The following RANBP2 variants were observed in gnomAD, a reference collection of about 807,000 sequenced individuals.
The protein encoded by RANBP2 is E3 SUMO-protein ligase RanBP2.
In RANBP2, 57 loss-of-function variants were observed where a neutral mutation model predicts 303.6. That is an observed-to-expected ratio of 0.19 (90% CI 0.15 to 0.23). The LOEUF (loss-of-function observed/expected upper bound fraction) is 0.23. Among genes scored for constraint, RANBP2 ranks in the 10% least tolerant of loss-of-function variants. The pLI is 1.00. For synonymous variants in RANBP2, 1,167 were observed against 1,301.5 expected (o/e 0.90, Z 2.23); for missense variants, 3,138 against 3,780.8 (o/e 0.83, Z 4.46).
In RANBP2 at chr2:108,768,036, C is replaced by G; in HGVS notation, c.7497C>G (p.Ser2499Arg). The G allele has an allele frequency of 6.2e-7, 1 of 1,612,006 alleles. No homozygotes were observed. Among genetic ancestry groups the G allele is most frequent in the South Asian group, 1.1e-5 (1 of 90,986 alleles). The change falls in exon 20 of 29, where the codon AGC (serine) becomes AGG (arginine). Residue 2499 changes from serine to arginine, a missense_variant. Around this residue, in one of 20 missense-constraint regions of RANBP2, gnomAD observed 497 missense variants for 465.8 expected, o/e 1.07. Transcript: ENST00000283195. ...ADATSEVEVSSTSETTPKAVV... is the reference protein window; with the variant it reads ...ADATSEVEVSRTSETTPKAVV... Reference sequence around the variant, plus strand: ...CAACTTCAGAAGTTGAAGTGTCTAGCACATCTGAAACAACACCAAAAGCAG... The same window carrying G: ...CAACTTCAGAAGTTGAAGTGTCTAGGACATCTGAAACAACACCAAAAGCAG...
the RANBP2 span, among the ~76,000 whole-genome samples, chr2:108,841,296 G>A: frequency 1.3e-5 from 2 of 152,156 alleles, no homozygotes; most frequent in African/African-American, 4.8e-5. Flanking sequence ...TGGTGTTTGT[G>A]AGTTGTTCTA....
chr2:109,483,855 TCC>T, the RANBP2 span, among the ~76,000 whole-genome samples: 1 of 151,942 alleles, frequency 6.6e-6, no homozygotes, highest in African/African-American at 2.4e-5. Flanking sequence ...AGCCCCACCA[TCC>T]CCTGCTTAGC....
At position 108,767,765 on chromosome 2, in the gene RANBP2, T is replaced by C; in HGVS notation, c.7226T>C (p.Phe2409Ser). 6.2e-7 allele frequency: 1 copy of C among 1,611,978 alleles called. No homozygotes were observed. Residue 2409 changes from phenylalanine (F) to serine (S), a missense_variant, in exon 20 of 29, where the codon TTT (phenylalanine) becomes TCT (serine). By Grantham distance (155) the Phe-to-Ser change is radical (BLOSUM62 -2). Transcript: ENST00000283195. ...GTATGGTTGTGGACTGCATGTGATT[T>C]TGCAGATGGAGAAAGAAAAGTAGAG... ...ERVWLWTACDFADGERKVEHL... is the reference protein window; with the variant it reads ...ERVWLWTACDSADGERKVEHL...
chr2:109,261,573 G>T, the RANBP2 span, among the ~76,000 whole-genome samples: 1 of 152,168 alleles, frequency 6.6e-6, no homozygotes, highest in African/African-American at 2.4e-5. Context: ...TGCATTCGAA[G>T]GGAAGGGTGT....
At chr2:109,566,762 G>A in the RANBP2 span, among the ~76,000 whole-genome samples, 1 of 152,146 alleles carries the variant, frequency 6.6e-6, no homozygotes, top group African/African-American at 2.4e-5. Context: ...CTTAGAAAAG[G>A]AAAAGATTCT....
the RANBP2 span, chr2:109,313,599 T>C: frequency 6.5e-6 from 1 of 154,964 alleles, no homozygotes; most frequent in African/African-American, 2.4e-5. Context: ...CCTCCTAGCC[T>C]TGAGTAGGGG....
chr2:109,087,922 C>T, the RANBP2 span, among the ~76,000 whole-genome samples: 4 of 152,164 alleles, frequency 2.6e-5, no homozygotes, highest in East Asian at 1.9e-4. Context: ...CTGTGAATTC[C>T]GGCTCCCCCA....
At chr2:108,730,661 G>A (rs1695093955) in intron 2 of RANBP2, 113 bp from the exon 3 acceptor site, 5 of 1,386,072 alleles carry the variant, frequency 3.6e-6, no homozygotes, top group Admixed American at 1.8e-5. Flanking sequence ...GTAGTTTTGA[G>A]TAACAATATA....
At chr2:109,646,293 G>A in the RANBP2 span, among the ~76,000 whole-genome samples, 1 of 151,952 alleles carries the variant, frequency 6.6e-6, no homozygotes, top group Non-Finnish European at 1.5e-5. Flanking sequence ...GGGGGCAAGA[G>A]GCAAAAAGTC....
At chr2:108,982,536 A>G in the RANBP2 span, among the ~76,000 whole-genome samples, 2 of 152,274 alleles carry the variant, frequency 1.3e-5, no homozygotes, top group African/African-American at 4.8e-5. Context: ...TTCACAAAAT[A>G]AATATTTGCC....
the RANBP2 span, among the ~76,000 whole-genome samples, chr2:108,867,977 T>C: frequency 6.6e-6 from 1 of 152,208 alleles, no homozygotes; most frequent in Non-Finnish European, 1.5e-5. Flanking sequence ...AAGATTAAAA[T>C]AGCTCTTATC....
At chr2:109,102,780 A>G in the RANBP2 span, among the ~76,000 whole-genome samples, 1 of 152,180 alleles carries the variant, frequency 6.6e-6, no homozygotes, top group Non-Finnish European at 1.5e-5. Flanking sequence ...CTGTTTAAGA[A>G]CTTTAAACTT....
At chr2:109,162,135 T>C in the RANBP2 span, among the ~76,000 whole-genome samples, 1 of 152,160 alleles carries the variant, frequency 6.6e-6, no homozygotes, top group Non-Finnish European at 1.5e-5. Flanking sequence ...TGTTTTCCTT[T>C]ACAAATGCTT....
chr2:109,202,531 A>G, the RANBP2 span, among the ~76,000 whole-genome samples: 1 of 152,294 alleles, frequency 6.6e-6, no homozygotes, highest in East Asian at 1.9e-4. Flanking sequence ...GGTGGTCAGC[A>G]TGGCTGCTTT....
chr2:109,640,273 G>A, the RANBP2 span, among the ~76,000 whole-genome samples: 4 of 151,990 alleles, frequency 2.6e-5, no homozygotes, highest in East Asian at 2.0e-4. Context: ...CCAACATGGC[G>A]AAATCCCGTC....
At chr2:108,930,336 C>T in the RANBP2 span, 3 of 1,505,640 alleles carry the variant, frequency 2.0e-6, no homozygotes, top group African/African-American at 2.8e-5. Context: ...AAGGGGGTGC[C>T]CTGCGGTGGG....
chr2:109,411,818 C>A, the RANBP2 span, among the ~76,000 whole-genome samples: 1 of 152,244 alleles, frequency 6.6e-6, no homozygotes, highest in African/African-American at 2.4e-5. Context: ...TGACCTCTCT[C>A]TGCTCTTCAT....
the RANBP2 span, among the ~76,000 whole-genome samples, chr2:109,468,416 C>A: frequency 2.0e-5 from 3 of 152,290 alleles, no homozygotes; most frequent in Non-Finnish European, 4.4e-5. Flanking sequence ...CTTATAAGAC[C>A]CCCATTGTGA....
the RANBP2 span, among the ~76,000 whole-genome samples, chr2:109,357,120 A>T: frequency 6.6e-6 from 1 of 150,908 alleles, no homozygotes; most frequent in South Asian, 2.1e-4. Context: ...CATATCAGAA[A>T]GTTCACTAAT....
Sources: allele counts gnomAD v4.1 joint callset (sites outside exome capture counted in the v4.1 genomes callset), GRCh38; gene constraint gnomAD v4.1.1; regional missense constraint gnomAD v4.1.1; transcripts MANE v1.5; gene names NCBI Gene and HGNC (gene_info 2026-07-23, HGNC 2026-07-21).